Variants in MCTP2 observed in about 807,000 individuals in gnomAD.
MCTP2 encodes the protein multiple C2 and transmembrane domain containing 2.
A neutral mutation model predicts 111.6 loss-of-function variants in MCTP2; 132 were observed. That is an observed-to-expected ratio of 1.18 (90% confidence interval 1.03 to 1.37). The LOEUF (loss-of-function observed/expected upper bound fraction) is 1.37, where lower values mean the gene tolerates loss of function less well. MCTP2 is among the 40% of genes most tolerant of loss of function. The pLI is 0.00. For synonymous variants in MCTP2, 395 were observed against 387.7 expected, an observed-to-expected ratio of 1.02 and a Z score of -0.22; for missense variants, 1,183 against 1,067.9, an observed-to-expected ratio of 1.11 and a Z score of -1.50.
intron 22 of MCTP2, among the ~76,000 whole-genome samples, chr15:94,477,063 G>A (rs193198369): frequency 4.7e-4 from 71 of 152,254 alleles, no homozygotes; most frequent in Admixed American, 4.6e-3. Flanking sequence ...GTCCCCTTTC[G>A]ATTGCTTGCC....
chr15:94,470,888 C>T (rs552569964), intron 21 of MCTP2, among the ~76,000 whole-genome samples: 107 of 152,232 alleles, frequency 7.0e-4, no homozygotes, highest in Middle Eastern at 3.4e-3. Context: ...TCACCTAACC[C>T]CATTCTTAAA....
intron 9 of MCTP2, 97 bp from the exon 10 acceptor site, chr15:94,358,385 T>C (rs1596465598): frequency 1.7e-6 from 2 of 1,167,116 alleles, no homozygotes; most frequent in East Asian, 2.5e-5. Context: ...GTCCATCATC[T>C]TGACCCTCTG....
chr15:94,349,963 C>T (rs374401245), intron 8 of MCTP2, among the ~76,000 whole-genome samples: 54 of 152,224 alleles, frequency 3.5e-4, no homozygotes, highest in African/African-American at 1.2e-3. Flanking sequence ...GCTTGCTTTT[C>T]GGTGTGTCCC....
intron 1 of MCTP2, among the ~76,000 whole-genome samples, chr15:94,296,258 G>T (rs771447694): frequency 6.6e-6 from 1 of 152,216 alleles, no homozygotes; most frequent in Non-Finnish European, 1.5e-5. Flanking sequence ...GATGTGAATT[G>T]AATGTACTTG....
chr15:94,435,629 C>CTTT lies in MCTP2; in HGVS notation c.2086-4529_2086-4527dup, dbSNP rs202170550. ...CTAAAAAAGTTGTACTTTTTTTATT[C>CTTT]TTTTTTTTTTTTTTTTTTTTGAGAC... On this transcript the variant is annotated intron_variant, in intron 17 of 22. Transcript: ENST00000357742. Among the ~76,000 whole-genome samples, 886 of 117,890 alleles carry CTTT rather than the reference C, an allele frequency of 7.5e-3. 50 individuals carry two copies. Among genetic ancestry groups the CTTT allele is most frequent in the African/African-American group, 0.026 (830 of 32,018 alleles). 77.3% of individuals were successfully genotyped at this position (117,890 alleles called of 152,430 possible). A position where few individuals can be genotyped will look rare whatever the true frequency, so the allele number is the denominator to read the frequency against.
intron 4 of MCTP2, among the ~76,000 whole-genome samples, chr15:94,330,012 T>C (rs193094665): frequency 1.1e-4 from 16 of 152,332 alleles, no homozygotes; most frequent in Admixed American, 2.0e-4. Flanking sequence ...TTTGTGTGTA[T>C]TTGATTTCTT....
intron 22 of MCTP2, among the ~76,000 whole-genome samples, chr15:94,477,877 C>T (rs2074495150): frequency 6.6e-6 from 1 of 152,114 alleles, no homozygotes; most frequent in Non-Finnish European, 1.5e-5. Context: ...AAAATAATAA[C>T]CCGGCCCCTG....
intron 17 of MCTP2, among the ~76,000 whole-genome samples, chr15:94,418,699 T>G (rs757374140): frequency 2.6e-5 from 4 of 152,164 alleles, no homozygotes; most frequent in Non-Finnish European, 4.4e-5. Flanking sequence ...TCCATTTATA[T>G]GAAATCATCA....
intron 1 of MCTP2, among the ~76,000 whole-genome samples, chr15:94,244,923 C>T (rs1462556162): frequency 9.6e-5 from 11 of 114,810 alleles, no homozygotes; most frequent in South Asian, 5.8e-4. Context: ...TGTTTATATA[C>T]GTATATGTAT....
chr15:94,244,140 A>G (rs377073887), intron 1 of MCTP2, among the ~76,000 whole-genome samples: 30 of 146,450 alleles, frequency 2.0e-4, no homozygotes, highest in South Asian at 4.2e-4. Context: ...ATACACATGC[A>G]TATGTGTATA....
At chr15:94,405,914 A>G (rs926583531) in intron 17 of MCTP2, among the ~76,000 whole-genome samples, 14 of 152,158 alleles carry the variant, frequency 9.2e-5, no homozygotes, top group Non-Finnish European at 1.9e-4. Flanking sequence ...AGAAAGTAAC[A>G]TTCTTGACTT....
At chr15:94,367,088 C>T (rs559904649) in intron 10 of MCTP2, among the ~76,000 whole-genome samples, 15 of 152,298 alleles carry the variant, frequency 9.8e-5, no homozygotes, top group Admixed American at 7.2e-4. Context: ...AACACCTTAA[C>T]GTGTTTTTTA....
chr15:94,291,126 G>A (rs999301241), intron 1 of MCTP2, among the ~76,000 whole-genome samples: 1 of 152,150 alleles, frequency 6.6e-6, no homozygotes, highest in Non-Finnish European at 1.5e-5. Flanking sequence ...CACATTGGGG[G>A]TCATAAGTCA....
rs146325707 is a variant in MCTP2 at position 94,473,838 on chromosome 15, G to A, written c.2471-2858G>A. Among the ~76,000 whole-genome samples the A allele has an allele frequency of 5.1e-4, 78 of 152,232 alleles. 1 individual carries two copies. The highest frequency in any genetic ancestry group is 1.7e-3 in the African/African-American group (72 of 41,542). On this transcript the variant is annotated intron_variant, in intron 21 of 22. Transcript: ENST00000357742. Reference sequence around the variant, plus strand: ...TTACAGTTGGAGCTACCTGCTGGTCGCTCATATGAATATCTGAAAAATGGT... The same window carrying A: ...TTACAGTTGGAGCTACCTGCTGGTCACTCATATGAATATCTGAAAAATGGT...
intron 1 of MCTP2, among the ~76,000 whole-genome samples, chr15:94,274,483 G>T (rs1164411440): frequency 6.6e-6 from 1 of 152,062 alleles, no homozygotes; most frequent in Non-Finnish European, 1.5e-5. Flanking sequence ...TAATAAACTT[G>T]CAGGATTGTT....
At chr15:94,349,334 G>A (rs569033425) in intron 8 of MCTP2, among the ~76,000 whole-genome samples, 18 of 152,286 alleles carry the variant, frequency 1.2e-4, no homozygotes, top group African/African-American at 4.3e-4. Context: ...TCTCAGTGAT[G>A]TTTGACTCAG....
intron 1 of MCTP2, among the ~76,000 whole-genome samples, chr15:94,243,804 T>C (rs141564764): frequency 6.7e-6 from 1 of 148,268 alleles, no homozygotes; most frequent in African/African-American, 2.5e-5. Flanking sequence ...CACATATGCG[T>C]ATATACATAT....
At chr15:94,436,140 T>C (rs1478533521) in intron 17 of MCTP2, among the ~76,000 whole-genome samples, 2 of 152,164 alleles carry the variant, frequency 1.3e-5, no homozygotes, top group Non-Finnish European at 1.5e-5. Flanking sequence ...ACCTCTGCGC[T>C]CTGCAGTGGC....
At chr15:94,449,601 A>G (rs935834508) in intron 19 of MCTP2, among the ~76,000 whole-genome samples, 2 of 152,214 alleles carry the variant, frequency 1.3e-5, no homozygotes, top group African/African-American at 4.8e-5. Flanking sequence ...AAACAACCCC[A>G]GTTCCCTAGG....
Sources: allele counts gnomAD v4.1 joint callset (sites outside exome capture counted in the v4.1 genomes callset), GRCh38; gene constraint gnomAD v4.1.1; transcripts MANE v1.5; gene names NCBI Gene and HGNC (gene_info 2026-07-23, HGNC 2026-07-21).